NXN: variants seen among roughly 807,000 people sequenced by gnomAD.
NXN encodes nucleoredoxin 1.
Under a neutral mutation model 48.6 loss-of-function variants are expected in NXN, and 16 were observed. The ratio of observed to expected loss-of-function variants is 0.33; its 90% CI spans 0.22 to 0.50. The LOEUF (loss-of-function observed/expected upper bound fraction) is 0.50. NXN is among the 20% of genes least tolerant of loss of function. The probability of loss-of-function intolerance (pLI) is 0.98; values close to 1 mark genes in which losing one functional copy is unlikely to be tolerated. For missense variants in NXN, 492 were observed against 605.5 expected, an observed-to-expected ratio of 0.81 and a Z score of 1.97; for synonymous variants, 281 against 269.6, an observed-to-expected ratio of 1.04 and a Z score of -0.41.
At chr17:974,471 TCATTTATCTAAACACAATAATAG>T (rs1186922914) in intron 1 of NXN, among the ~76,000 whole-genome samples, 1 of 152,054 alleles carries the variant, frequency 6.6e-6, no homozygotes, top group Non-Finnish European at 1.5e-5. Context: ...AACTTAATGA[TCATTTATCTAAACACAATAATAG>T]CATTTATTGA....
At chr17:963,950 G>T (rs181385669) in intron 1 of NXN, among the ~76,000 whole-genome samples, 31 of 150,938 alleles carry the variant, frequency 2.1e-4, no homozygotes, top group Middle Eastern at 3.4e-3. Context: ...GGTGGCGGGC[G>T]CCTGTAATCC....
intron 1 of NXN, among the ~76,000 whole-genome samples, chr17:925,209 C>A (rs1202791583): frequency 6.6e-6 from 1 of 152,190 alleles, no homozygotes; most frequent in Non-Finnish European, 1.5e-5. Context: ...AAGAATGAGG[C>A]CTCCCGCCTC....
Position 849,675 on chromosome 17 carries a change from C to T in NXN, c.361-23597G>A, listed in dbSNP as rs974096412. 2.6e-5 allele frequency among the ~76,000 whole-genome samples: 4 copies of T among 152,156 alleles called. No homozygotes were observed. The highest frequency in any genetic ancestry group is 7.2e-5 in the African/African-American group (3 of 41,432). On this transcript the variant is annotated intron_variant, in intron 1 of 7. Transcript: ENST00000336868. The surrounding 1 kb of genome is among the most constrained non-coding windows in gnomAD (Gnocchi z 4.2). Reference sequence around the variant, plus strand: ...GCCAGCTGCCTCATCCCTTTACCTCCGCAGACAAGCAATCATCATTTCCTA... The same window carrying T: ...GCCAGCTGCCTCATCCCTTTACCTCTGCAGACAAGCAATCATCATTTCCTA...
At chr17:808,013 T>TG (rs1246691865) in intron 5 of NXN, among the ~76,000 whole-genome samples, 1 of 152,058 alleles carries the variant, frequency 6.6e-6, no homozygotes, top group South Asian at 2.1e-4. Flanking sequence ...ACAGTAGGGA[T>TG]GGGGGTCACC....
chr17:885,706 A>C (rs1463914067), intron 1 of NXN, among the ~76,000 whole-genome samples: 1 of 91,764 alleles, frequency 1.1e-5, no homozygotes. Context: ...TTTTTGAGAC[A>C]GAGTCGCTCT....
rs1567827957 is a variant in NXN, at chr17:841,575, GCATCTCACGCCGGCGA to G, written c.361-15513_361-15498del. ...CGAGCAGGTCCCCCCTGACCACGGAGCATCTCACGCCGGCGAGCAGGTCCCCCCGACCACAGAGCAT... is the reference window on the plus strand; with the variant it reads ...CGAGCAGGTCCCCCCTGACCACGGAGGCAGGTCCCCCCGACCACAGAGCAT... On this transcript the variant is annotated intron_variant, in intron 1 of 7. Transcript: ENST00000336868. Among the ~76,000 whole-genome samples, 120 of 113,114 alleles carry G rather than the reference GCATCTCACGCCGGCGA, an allele frequency of 1.1e-3. 11 individuals are homozygous for G. The highest frequency in any genetic ancestry group is 2.3e-3 in the African/African-American group (57 of 24,998). The allele number at this position is 113,114 out of a possible 152,430, so 74.2% of individuals were successfully genotyped here.
At chr17:843,056 G>GAAAGAAAGCAAGC (rs113972004) in intron 1 of NXN, among the ~76,000 whole-genome samples, 7 of 107,198 alleles carry the variant, frequency 6.5e-5, no homozygotes, top group African/African-American at 2.7e-4. Context: ...AAGAAAGAAA[G>GAAAGAAAGCAAGC]AAGGAAGAAA....
At chr17:885,295 T>C (rs1274935909) in intron 1 of NXN, among the ~76,000 whole-genome samples, 1 of 152,070 alleles carries the variant, frequency 6.6e-6, no homozygotes, top group Non-Finnish European at 1.5e-5. Context: ...CTGGCCAACA[T>C]GGTGACACCT....
intron 5 of NXN, among the ~76,000 whole-genome samples, chr17:818,943 G>C (rs865832555): frequency 6.6e-6 from 1 of 151,976 alleles, no homozygotes; most frequent in African/African-American, 2.4e-5. Context: ...TACTAAGACA[G>C]TATTTAGTAG....
chr17:955,725 T>C (rs1214480019), intron 1 of NXN, among the ~76,000 whole-genome samples: 8 of 149,256 alleles, frequency 5.4e-5, no homozygotes, highest in South Asian at 2.1e-4. Context: ...TGAAACCCTG[T>C]CTCTACTAAA....
At chr17:863,277 C>G (rs149892335) in intron 1 of NXN, among the ~76,000 whole-genome samples, 1 of 152,310 alleles carries the variant, frequency 6.6e-6, no homozygotes, top group East Asian at 1.9e-4. Flanking sequence ...AAGTGATTCT[C>G]CTACCTCAGC....
At chr17:946,289 C>T (rs1021348991) in intron 1 of NXN, among the ~76,000 whole-genome samples, 70 of 151,996 alleles carry the variant, frequency 4.6e-4, no homozygotes, top group Non-Finnish European at 9.1e-4. Context: ...CTGCCTCAGC[C>T]TCCTGAGTAG....
intron 1 of NXN, among the ~76,000 whole-genome samples, chr17:832,775 AG>A (rs1913559175): frequency 6.6e-6 from 1 of 151,942 alleles, no homozygotes; most frequent in South Asian, 2.1e-4. Flanking sequence ...GTTGCATCTC[AG>A]GAGCACAGGA....
intron 1 of NXN, among the ~76,000 whole-genome samples, chr17:939,956 A>AT (rs58432448): frequency 4.0e-5 from 6 of 148,628 alleles, no homozygotes; most frequent in African/African-American, 1.5e-4. Context: ...TTTTTTTCTT[A>AT]TTTTTTTTTT....
intron 1 of NXN, among the ~76,000 whole-genome samples, chr17:853,723 A>ATATATATATATATTTT (rs1491528474): frequency 3.6e-3 from 385 of 105,876 alleles, no homozygotes; most frequent in Non-Finnish European, 5.6e-3. Flanking sequence ...ATATATATAT[A>ATATATATATATATTTT]TTTTTTTTTT....
At chr17:868,206 G>A (rs1368271971) in intron 1 of NXN, among the ~76,000 whole-genome samples, 1 of 152,116 alleles carries the variant, frequency 6.6e-6, no homozygotes, top group African/African-American at 2.4e-5. Flanking sequence ...TCACACATGG[G>A]ATTCCCTCTA....
chr17:845,603 G>A (rs550101034), intron 1 of NXN, among the ~76,000 whole-genome samples: 8 of 152,354 alleles, frequency 5.3e-5, no homozygotes, highest in Admixed American at 3.3e-4. Context: ...TGCCTTACAC[G>A]TGAGAGATAC....
intron 1 of NXN, among the ~76,000 whole-genome samples, chr17:908,928 C>T (rs2068606116): frequency 6.6e-6 from 1 of 151,912 alleles, no homozygotes; most frequent in Non-Finnish European, 1.5e-5. Flanking sequence ...ATGGTGAAAC[C>T]CCCGTCTCTA....
intron 7 of NXN, 83 bp from the exon 8 acceptor site, chr17:801,214 G>C: frequency 8.7e-7 from 1 of 1,155,758 alleles, no homozygotes; most frequent in South Asian, 2.2e-5. Flanking sequence ...CTCCCCAGGT[G>C]TGGTAGCTCC....
Sources: gnomAD v4.1 joint callset for allele counts (sites outside exome capture counted in the v4.1 genomes callset) on GRCh38, gnomAD v4.1.1 for gene constraint, Gnocchi (gnomAD v3.1) non-coding constraint, MANE v1.5 for transcripts, NCBI Gene and HGNC (gene_info 2026-07-23, HGNC 2026-07-21) for gene names.